The following VAV2 variants were observed in gnomAD, a reference collection of about 807,000 sequenced individuals.
VAV2 encodes the protein guanine nucleotide exchange factor VAV2.
Under a neutral mutation model 132.5 loss-of-function variants are expected in VAV2, and 67 were observed. The observed-to-expected ratio is 0.51, with a 90% CI of 0.42 to 0.62. VAV2 has a LOEUF of 0.62. Among genes scored for constraint, VAV2 ranks in the 20% least tolerant of loss-of-function variants. The probability of loss-of-function intolerance (pLI) is 0.00; values close to 1 mark genes in which losing one functional copy is unlikely to be tolerated. For missense variants in VAV2, 938 were observed against 1,153.6 expected (o/e 0.81, Z 2.71); for synonymous variants, 492 against 443.5 (o/e 1.11, Z -1.37).
chr9:133,940,952 T>C (rs1841125572), intron 1 of VAV2, among the ~76,000 whole-genome samples: 1 of 150,652 alleles, frequency 6.6e-6, no homozygotes, highest in African/African-American at 2.4e-5. Flanking sequence ...CTGGCCCAGG[T>C]TCCAATATGG....
intron 2 of VAV2, among the ~76,000 whole-genome samples, chr9:133,894,757 C>T (rs1360862129): frequency 1.3e-5 from 2 of 152,188 alleles, no homozygotes; most frequent in East Asian, 3.9e-4. Flanking sequence ...GATCCTGGCG[C>T]CCACCCTGGA....
intron 1 of VAV2, among the ~76,000 whole-genome samples, chr9:133,962,014 T>C (rs1298657227): frequency 6.6e-6 from 1 of 152,076 alleles, no homozygotes; most frequent in African/African-American, 2.4e-5. Context: ...CATCCCCACC[T>C]TGATGGCCTC....
chr9:133,779,344 G>C (rs532478375), intron 21 of VAV2, among the ~76,000 whole-genome samples: 1 of 152,314 alleles, frequency 6.6e-6, no homozygotes, highest in African/African-American at 2.4e-5. Context: ...TCTTAGACAA[G>C]CCTTGCTCTG....
intron 8 of VAV2, among the ~76,000 whole-genome samples, chr9:133,806,861 T>C (rs576760508): frequency 2.6e-5 from 4 of 152,342 alleles, no homozygotes; most frequent in East Asian, 3.9e-4. Flanking sequence ...TAACCACGTC[T>C]AGGTGACTCT....
rs570885587 is a variant in VAV2, at chr9:133,926,683, C to G, written c.321+12420G>C. 6.6e-6 allele frequency among the ~76,000 whole-genome samples: 1 copy of G among 152,170 alleles called. No individual in the cohort carries two copies. Reference sequence around the variant, plus strand: ...GCAGCTCACATCTCGAACCCCAGCACCTCCTCCAGGAAGCCCTCCTTGACT... The same window carrying G: ...GCAGCTCACATCTCGAACCCCAGCAGCTCCTCCAGGAAGCCCTCCTTGACT... On this transcript the variant is annotated intron_variant, in intron 2 of 29. Transcript: ENST00000371850. The surrounding 1 kb of genome is among the most constrained non-coding windows in gnomAD (Gnocchi z 4.3).
intron 3 of VAV2, among the ~76,000 whole-genome samples, chr9:133,839,999 G>C (rs1047520136): frequency 6.6e-6 from 1 of 151,020 alleles, no homozygotes; most frequent in Non-Finnish European, 1.5e-5. Flanking sequence ...CCCCGCCCCC[G>C]AGGCCATCTT....
chr9:133,939,252 A>T (rs1170765743), intron 1 of VAV2, 33 bp from the exon 2 acceptor site: 1 of 1,571,134 alleles, frequency 6.4e-7, no homozygotes, highest in African/African-American at 1.3e-5. Context: ...GGGCAAGGAA[A>T]AACTTATTAA....
chr9:133,822,926 C>T (rs552266676), intron 4 of VAV2, among the ~76,000 whole-genome samples: 3 of 152,334 alleles, frequency 2.0e-5, no homozygotes, highest in South Asian at 4.1e-4. Context: ...CGGCAAGTCA[C>T]CTACCCTCTC....
At chr9:133,829,902 C>T (rs1836198069) in intron 4 of VAV2, among the ~76,000 whole-genome samples, 3 of 152,204 alleles carry the variant, frequency 2.0e-5, no homozygotes, top group Admixed American at 2.0e-4. Context: ...TTCCACACTC[C>T]CCATGGGGCC....
Position 133,790,058 on chromosome 9 carries a change from C to T in VAV2, c.1189-715G>A, listed in dbSNP as rs529193457. Among the ~76,000 whole-genome samples the T allele has an allele frequency of 3.3e-5, 5 of 152,340 alleles. No individual in the cohort carries two copies. In the East Asian group the frequency reaches 9.6e-4, roughly 29 times the overall value. On this transcript the variant is annotated intron_variant, in intron 13 of 29. Transcript: ENST00000371850. The stretch of plus-strand genomic sequence containing the variant: ...GTGTCACATAGTCCCAGTCAACTTG[C>T]TCCAGGCCTCTGATCTCAGCTCTCA...
At chr9:133,792,528 T>TTA (rs1459878945) in intron 12 of VAV2, among the ~76,000 whole-genome samples, 3 of 103,398 alleles carry the variant, frequency 2.9e-5, no homozygotes, top group African/African-American at 1.1e-4. Context: ...GTGTGTGTTA[T>TTA]TGTGTGTGTG....
intron 2 of VAV2, among the ~76,000 whole-genome samples, chr9:133,902,224 G>T (rs2157835): frequency 0.84 from 127,991 of 152,202 alleles, 54,363 homozygotes; most frequent in East Asian, 0.94. Context: ...GGGCATCTGC[G>T]TCGGACGTGT....
chr9:133,960,260 G>A (rs564076798), intron 1 of VAV2, among the ~76,000 whole-genome samples: 16 of 152,158 alleles, frequency 1.1e-4, no homozygotes, highest in Non-Finnish European at 4.4e-5. Context: ...GGCGCCCTCC[G>A]GGACCAAGCT....
chr9:133,801,020 A>AC (rs1255501133), intron 9 of VAV2, among the ~76,000 whole-genome samples: 2 of 151,738 alleles, frequency 1.3e-5, no homozygotes, highest in Non-Finnish European at 2.9e-5. Context: ...GCCCCGGGTG[A>AC]CCCCCACCCA....
rs1196297984 is a variant in VAV2, at chr9:133,823,985, G to A, written c.449+10287C>T. Among the ~76,000 whole-genome samples the A allele has an allele frequency of 6.6e-6, 1 of 152,158 alleles. No homozygotes were observed. The highest frequency in any genetic ancestry group is 2.1e-4 in the South Asian group (1 of 4,812). On this transcript the variant is annotated intron_variant, in intron 4 of 29. Coordinates refer to ENST00000371850, the MANE Select transcript of VAV2 (RefSeq NM_001134398.2). The surrounding 1 kb of genome is among the most constrained non-coding windows in gnomAD (Gnocchi z 5.5). Reference sequence around the variant, plus strand: ...CAAACGGCCTCTCCCTCAGTGGTGGGGGTGGGGGAGCAGGGTTTCGAGGTC... The same window carrying A: ...CAAACGGCCTCTCCCTCAGTGGTGGAGGTGGGGGAGCAGGGTTTCGAGGTC...
chr9:133,950,689 G>A (rs1208086879), intron 1 of VAV2, among the ~76,000 whole-genome samples: 2 of 152,322 alleles, frequency 1.3e-5, no homozygotes, highest in South Asian at 2.1e-4. Flanking sequence ...CTGGCTCTGA[G>A]CAATTAGCCC....
chr9:133,801,777 G>A (rs569056365), intron 9 of VAV2, among the ~76,000 whole-genome samples: 4 of 152,264 alleles, frequency 2.6e-5, no homozygotes, highest in East Asian at 1.9e-4. Flanking sequence ...ACAGAGACGC[G>A]GGGAGGCCAT....
rs1188678734 is a variant in VAV2 at position 133,834,605 on chromosome 9, TG to T, written c.381-266del. ...CCCACTCCGGGCTCCGGGTGTCCAG[TG>T]GGAAGACGAGAGGCCCAGGTCAGGG... On this transcript the variant is annotated intron_variant, in intron 3 of 29. Transcript: ENST00000371850. This position sits in a 1 kb window ranked among gnomAD's most constrained non-coding sequence, Gnocchi z 5.9. 6.6e-6 allele frequency among the ~76,000 whole-genome samples: 1 copy of T among 152,212 alleles called. No homozygotes were observed. Among genetic ancestry groups the T allele is most frequent in the Non-Finnish European group, 1.5e-5 (1 of 68,034 alleles).
intron 3 of VAV2, among the ~76,000 whole-genome samples, chr9:133,851,888 CATGGATGGATGGATGGATGGGTGG>C (rs1486653663): frequency 1.3e-4 from 14 of 106,722 alleles, no homozygotes; most frequent in African/African-American, 4.8e-4. Context: ...TGGATGGATG[CATGGATGGATGGATGGATGGGTGG>C]ATGGATGGAT....
Sources: allele counts gnomAD v4.1 joint callset (sites outside exome capture counted in the v4.1 genomes callset), GRCh38; gene constraint gnomAD v4.1.1; non-coding constraint Gnocchi (gnomAD v3.1); transcripts MANE v1.5; gene names NCBI Gene and HGNC (gene_info 2026-07-23, HGNC 2026-07-21).